The following FAXDC2 variants were observed in gnomAD, a reference collection of about 807,000 sequenced individuals.
FAXDC2 encodes fatty acid hydroxylase domain containing 2, also known as fatty acid hydroxylase domain-containing protein 2.
FAXDC2 carries 41 observed loss-of-function variants against 40.9 expected under a neutral mutation model. That is an observed-to-expected ratio of 1.00 (90% CI 0.78 to 1.30). The LOEUF (loss-of-function observed/expected upper bound fraction) is 1.30. Among genes scored for constraint, FAXDC2 ranks in the 50% most tolerant of loss-of-function variants. The pLI is 0.00. For synonymous variants in FAXDC2, 157 were observed against 149.3 expected, an observed-to-expected ratio of 1.05 and a Z score of -0.38; for missense variants, 390 against 408.8, an observed-to-expected ratio of 0.95 and a Z score of 0.40.
intron 1 of FAXDC2, chr5:154,838,606 C>CTT (rs201665443): frequency 1.1e-3 from 215 of 200,286 alleles, no homozygotes; most frequent in African/African-American, 4.6e-3. Flanking sequence ...TTGGTTTGTT[C>CTT]TTTTTTTTTT....
At chr5:154,847,618 G>A (rs980976102) in intron 1 of FAXDC2, among the ~76,000 whole-genome samples, 1 of 150,822 alleles carries the variant, frequency 6.6e-6, no homozygotes, top group African/African-American at 2.4e-5. Flanking sequence ...CTCCTAAGTA[G>A]CTGGGATTAC....
intron 5 of FAXDC2, 59 bp from the exon 6 acceptor site, chr5:154,823,651 G>T: frequency 7.0e-7 from 1 of 1,419,804 alleles, no homozygotes; most frequent in South Asian, 1.2e-5. Context: ...GCTCCACCGT[G>T]ACCTGCTTAC....
intron 4 of FAXDC2, among the ~76,000 whole-genome samples, chr5:154,832,304 C>T (rs764939322): frequency 5.5e-4 from 84 of 151,588 alleles, no homozygotes; most frequent in Admixed American, 3.0e-3. Context: ...AGATCTGCCT[C>T]CCGGGTTCAC....
intron 4 of FAXDC2, among the ~76,000 whole-genome samples, chr5:154,834,259 A>G (rs975160334): frequency 6.6e-6 from 1 of 152,098 alleles, no homozygotes; most frequent in Non-Finnish European, 1.5e-5. Flanking sequence ...CTTGCTGTCA[A>G]GCACTGACTG....
In FAXDC2 at chr5:154,823,437, C is replaced by G. The variant is rs2113122957; in HGVS notation, c.522G>C (p.Glu174Asp). Residue 174 changes from glutamate to aspartate, a missense_variant, in exon 6 of 9, where the codon GAG becomes GAC. By Grantham distance (45) the Glu-to-Asp change is conservative. Transcript: ENST00000326080. ...ELPTFHWFLL[E>D]LAIFTLIEEV... ...CCTCGATCAGCGTGAAGATGGCCAG[C>G]TCCAGGAGGAACCAGTGGAAGGTGG... 6.2e-7 allele frequency: 1 copy of G among 1,614,134 alleles called. No individual in the cohort carries two copies. The highest frequency in any genetic ancestry group is 1.3e-5 in the African/African-American group (1 of 75,058).
intron 5 of FAXDC2, chr5:154,823,795 CT>C: frequency 5.3e-6 from 3 of 565,744 alleles, no homozygotes; most frequent in Admixed American, 3.1e-5. Context: ...AGTAATACCC[CT>C]GTCCTTGGAA....
At chr5:154,838,237 AG>A in intron 1 of FAXDC2, 59 bp from the exon 2 acceptor site, 1 of 1,542,992 alleles carries the variant, frequency 6.5e-7, no homozygotes, top group Non-Finnish European at 8.9e-7. Flanking sequence ...CTAAGGAAGT[AG>A]GGAGTGGAGA....
intron 8 of FAXDC2, chr5:154,820,952 T>C (rs1026912483): frequency 3.3e-5 from 11 of 336,526 alleles, no homozygotes; most frequent in African/African-American, 2.2e-4. Flanking sequence ...CTTTCAGAGA[T>C]ACATGACTTC....
At chr5:154,842,901 C>G (rs1582540140) in intron 1 of FAXDC2, among the ~76,000 whole-genome samples, 1 of 149,492 alleles carries the variant, frequency 6.7e-6, no homozygotes, top group African/African-American at 2.5e-5. Flanking sequence ...ACTCCTGGGT[C>G]TTATTAAGAG....
At chr5:154,828,054 C>A (rs1006286886) in intron 5 of FAXDC2, among the ~76,000 whole-genome samples, 1 of 151,114 alleles carries the variant, frequency 6.6e-6, no homozygotes, top group Non-Finnish European at 1.5e-5. Context: ...CTCGTTCTGT[C>A]GCTTGGGCTG....
chr5:154,838,263 G>A (rs1364353080), intron 1 of FAXDC2, 85 bp from the exon 2 acceptor site: 2 of 1,241,470 alleles, frequency 1.6e-6, no homozygotes, highest in African/African-American at 3.1e-5. Flanking sequence ...CAAAGTGTAT[G>A]GCTAGCAGTG....
intron 5 of FAXDC2, chr5:154,830,531 C>T (rs1760162194): frequency 2.9e-6 from 1 of 348,598 alleles, no homozygotes; most frequent in Non-Finnish European, 5.4e-6. Flanking sequence ...CCAGGCTGAC[C>T]ACAGTGCCAT....
In FAXDC2 at chr5:154,828,296, T is replaced by TTTTTG. The variant is rs550510850; in HGVS notation, c.366+2500_366+2504dup. Among the ~76,000 whole-genome samples, 856 of 152,230 alleles carry TTTTTG rather than the reference T, an allele frequency of 5.6e-3. 2 individuals carry two copies. Among genetic ancestry groups the TTTTTG allele is most frequent in the Middle Eastern group, 0.024 (7 of 294 alleles). On this transcript the variant is annotated intron_variant, in intron 5 of 8. Coordinates refer to ENST00000326080, the MANE Select transcript of FAXDC2 (RefSeq NM_032385.5). ...TGAGCAACCACACTTGGTGGGGTTT[T>TTTTTG]TTTTGTTTTGTTTTGTTTTGTTTTG...
intron 2 of FAXDC2, 70 bp downstream of exon 2, chr5:154,838,061 C>A: frequency 9.9e-7 from 1 of 1,007,558 alleles, no homozygotes; most frequent in Non-Finnish European, 1.6e-6. Context: ...GGATGCATAG[C>A]AAGTGCAGCT....
chr5:154,837,913 T>C (rs1760391021), intron 2 of FAXDC2, among the ~76,000 whole-genome samples: 1 of 152,178 alleles, frequency 6.6e-6, no homozygotes, highest in African/African-American at 2.4e-5. Context: ...TTCAATTCCA[T>C]AACGCACATT....
At chr5:154,840,693 G>A (rs753468844) in intron 1 of FAXDC2, among the ~76,000 whole-genome samples, 1 of 152,080 alleles carries the variant, frequency 6.6e-6, no homozygotes, top group Non-Finnish European at 1.5e-5. Flanking sequence ...ACAGACTACA[G>A]GCACATACCA....
At chr5:154,833,831 C>G (rs1401181320) in intron 4 of FAXDC2, among the ~76,000 whole-genome samples, 2 of 151,672 alleles carry the variant, frequency 1.3e-5, no homozygotes, top group Non-Finnish European at 2.9e-5. Context: ...CCATGCCCAG[C>G]TAATTTTTTT....
chr5:154,828,501 G>A (rs1760100453), intron 5 of FAXDC2, among the ~76,000 whole-genome samples: 1 of 152,038 alleles, frequency 6.6e-6, no homozygotes. Flanking sequence ...TTCACCTGTG[G>A]TGTCAGGTGG....
intron 1 of FAXDC2, among the ~76,000 whole-genome samples, chr5:154,845,846 C>T (rs541742502): frequency 7.0e-4 from 105 of 149,746 alleles, no homozygotes; most frequent in Non-Finnish European, 1.2e-3. Context: ...AGTGCAGTGG[C>T]GTGATCTCGG....
Sources: gnomAD v4.1 joint callset for allele counts (sites outside exome capture counted in the v4.1 genomes callset) on GRCh38, gnomAD v4.1.1 for gene constraint, MANE v1.5 for transcripts, NCBI Gene and HGNC (gene_info 2026-07-23, HGNC 2026-07-21) for gene names.